Variants in CHN1 observed in about 807,000 individuals in gnomAD.
CHN1 encodes the protein chimerin 1, also known as N-chimaerin.
A neutral mutation model predicts 59.5 loss-of-function variants in CHN1; 37 were observed. That is an observed-to-expected ratio of 0.62 (90% confidence interval 0.48 to 0.82). CHN1 has a LOEUF of 0.82. Ranked by LOEUF, CHN1 falls within the 40% of genes least tolerant of loss-of-function variation. The probability of loss-of-function intolerance (pLI) is 0.00; values close to 1 mark genes in which losing one functional copy is unlikely to be tolerated. For synonymous variants in CHN1, 206 were observed against 200.4 expected (o/e 1.03, Z -0.24); for missense variants, 469 against 571.0 (o/e 0.82, Z 1.82).
intron 3 of CHN1, among the ~76,000 whole-genome samples, chr2:174,936,566 TAACA>T (rs751027944): frequency 9.2e-5 from 14 of 152,046 alleles, no homozygotes; most frequent in Non-Finnish European, 1.8e-4. Context: ...TAACATGAAA[TAACA>T]AACAAAACCA....
intron 6 of CHN1, among the ~76,000 whole-genome samples, chr2:174,855,281 C>T (rs1346655745): frequency 6.6e-6 from 1 of 152,146 alleles, no homozygotes; most frequent in Non-Finnish European, 1.5e-5. Flanking sequence ...GCTAAGTCAA[C>T]AATCCATCCA....
rs376673513 is a variant in CHN1, at chr2:174,852,944, A to G, written c.550-5987T>C. Reference sequence around the variant, plus strand: ...TGGATCCTTACCTTTCACCATATACAAAACTTAACATGGATTAAAGATTTA... The same window carrying G: ...TGGATCCTTACCTTTCACCATATACGAAACTTAACATGGATTAAAGATTTA... On this transcript the variant is annotated intron_variant, in intron 6 of 12. Coordinates refer to ENST00000409900, the MANE Select transcript of CHN1 (RefSeq NM_001822.7). Among the ~76,000 whole-genome samples the G allele has an allele frequency of 3.9e-5, 6 of 152,346 alleles. No homozygotes were observed. The South Asian group carries it at 1.0e-3, about 26-fold the overall frequency.
Position 174,967,051 on chromosome 2 carries a change from C to T in CHN1, c.20-14849G>A, listed in dbSNP as rs73973658. Among the ~76,000 whole-genome samples, 722 of 152,196 alleles carry T rather than the reference C, an allele frequency of 4.7e-3. 5 individuals carry two copies. Among genetic ancestry groups the T allele is most frequent in the African/African-American group, 0.016 (682 of 41,516 alleles). On this transcript the variant is annotated intron_variant, in intron 1 of 12. Transcript: ENST00000409900. ...GATCCTTCTACTTCTCTGCATCTCA[C>T]GTCTAAAATGCGGCTGGGTGCGGGG...
chr2:174,898,373 G>A (rs1208438942), intron 5 of CHN1, among the ~76,000 whole-genome samples: 1 of 151,986 alleles, frequency 6.6e-6, no homozygotes, highest in Non-Finnish European at 1.5e-5. Context: ...AAGCCAAGGC[G>A]GGCGGATCAC....
intron 3 of CHN1, among the ~76,000 whole-genome samples, chr2:174,934,117 C>T (rs962443068): frequency 2.6e-5 from 4 of 152,114 alleles, no homozygotes; most frequent in African/African-American, 9.7e-5. Context: ...GAATGATTCA[C>T]GCACATTACA....
intron 8 of CHN1, among the ~76,000 whole-genome samples, chr2:174,823,416 C>T (rs910644357): frequency 6.6e-6 from 1 of 152,180 alleles, no homozygotes; most frequent in Non-Finnish European, 1.5e-5. Context: ...GTAATCCCAG[C>T]ACTTTGGGAG....
intron 2 of CHN1, among the ~76,000 whole-genome samples, chr2:174,947,262 T>C (rs1689867547): frequency 6.6e-6 from 1 of 152,190 alleles, no homozygotes; most frequent in Non-Finnish European, 1.5e-5. Context: ...TGAGAATTGA[T>C]GTGGGTTTCA....
chr2:175,004,506 TCA>T lies in CHN1; in HGVS notation c.19+386_19+387del, dbSNP rs141677848. On this transcript the variant is annotated intron_variant, in intron 1 of 12. Coordinates refer to ENST00000409900, the MANE Select transcript of CHN1 (RefSeq NM_001822.7). Reference sequence around the variant, plus strand: ...TGGCAATTCCAAGGAGGCTGGGGACTCACAGATACCTCGTTCAAAATAAATAA... The same window carrying T: ...TGGCAATTCCAAGGAGGCTGGGGACTCAGATACCTCGTTCAAAATAAATAA... 2.2e-3 allele frequency among the ~76,000 whole-genome samples: 328 copies of T among 151,602 alleles called. 3 individuals carry two copies. The highest frequency in any genetic ancestry group is 7.3e-3 in the African/African-American group (304 of 41,528).
intron 11 of CHN1, among the ~76,000 whole-genome samples, chr2:174,804,952 A>G (rs2646154): frequency 0.015 from 2,358 of 152,370 alleles, 59 homozygotes; most frequent in African/African-American, 0.053. Context: ...ATTCTTCTCC[A>G]GAACTCATTT....
At chr2:174,896,433 C>A (rs1029366532) in intron 5 of CHN1, among the ~76,000 whole-genome samples, 5 of 152,104 alleles carry the variant, frequency 3.3e-5, no homozygotes, top group African/African-American at 1.2e-4. Flanking sequence ...AATCTAAACA[C>A]AATTAAATCA....
At chr2:174,992,463 G>T (rs1163880584) in intron 1 of CHN1, among the ~76,000 whole-genome samples, 9 of 152,176 alleles carry the variant, frequency 5.9e-5, no homozygotes, top group African/African-American at 2.2e-4. Context: ...AAAAGGAATA[G>T]CGGCAGAAAA....
intron 6 of CHN1, among the ~76,000 whole-genome samples, chr2:174,877,531 T>C (rs369052831): frequency 4.6e-5 from 7 of 152,336 alleles, no homozygotes; most frequent in African/African-American, 1.4e-4. Flanking sequence ...TATCTTTTCT[T>C]GACCAGGAGT....
intron 1 of CHN1, among the ~76,000 whole-genome samples, chr2:174,986,650 C>T (rs1691351799): frequency 6.6e-6 from 1 of 152,226 alleles, no homozygotes; most frequent in South Asian, 2.1e-4. Flanking sequence ...TCCTCTTCTT[C>T]AGTCTACTCA....
chr2:174,829,450 C>T (rs1685795572), intron 7 of CHN1, among the ~76,000 whole-genome samples: 1 of 152,212 alleles, frequency 6.6e-6, no homozygotes, highest in Non-Finnish European at 1.5e-5. Context: ...TAAAAGGAAA[C>T]AAACACCCTG....
At chr2:174,980,409 G>A (rs951692494) in intron 1 of CHN1, among the ~76,000 whole-genome samples, 6 of 152,050 alleles carry the variant, frequency 3.9e-5, no homozygotes, top group South Asian at 2.1e-4. Context: ...CTTCTTTGCC[G>A]CTGTGAGCTC....
intron 1 of CHN1, among the ~76,000 whole-genome samples, chr2:174,966,652 T>C (rs1409328123): frequency 6.6e-6 from 1 of 152,230 alleles, no homozygotes; most frequent in African/African-American, 2.4e-5. Flanking sequence ...CAAAAAGCTA[T>C]ACACAGGAAA....
chr2:174,984,715 T>C (rs886904819), intron 1 of CHN1, among the ~76,000 whole-genome samples: 1 of 152,168 alleles, frequency 6.6e-6, no homozygotes, highest in Non-Finnish European at 1.5e-5. Flanking sequence ...TAGTATCACA[T>C]AAATGATGGT....
At chr2:174,934,208 C>T (rs1689432933) in intron 3 of CHN1, among the ~76,000 whole-genome samples, 1 of 152,098 alleles carries the variant, frequency 6.6e-6, no homozygotes, top group African/African-American at 2.4e-5. Context: ...AATGTAGAAT[C>T]AGTGGGAGCC....
At chr2:174,830,506 G>C (rs552254178) in intron 7 of CHN1, among the ~76,000 whole-genome samples, 1 of 152,218 alleles carries the variant, frequency 6.6e-6, no homozygotes, top group South Asian at 2.1e-4. Context: ...TATTAACAAA[G>C]AGCGAGGTTT....
Sources: gnomAD v4.1 joint callset for allele counts (sites outside exome capture counted in the v4.1 genomes callset) on GRCh38, gnomAD v4.1.1 for gene constraint, MANE v1.5 for transcripts, NCBI Gene and HGNC (gene_info 2026-07-23, HGNC 2026-07-21) for gene names.